DST: variants seen among roughly 807,000 people sequenced by gnomAD.
DST encodes the protein bullous pemphigoid antigen.
In DST, 253 loss-of-function variants were observed where a neutral mutation model predicts 875.2. The observed-to-expected ratio is 0.29, with a 90% confidence interval of 0.26 to 0.32. The LOEUF is 0.32. Ranked by LOEUF, DST falls within the 10% of genes least tolerant of loss-of-function variation. The pLI, the probability that DST is intolerant of heterozygous loss-of-function variation, is 1.00. For missense variants in DST, 8,287 were observed against 9,111.6 expected, an observed-to-expected ratio of 0.91 and a Z score of 3.68; for synonymous variants, 3,124 against 3,197.1, an observed-to-expected ratio of 0.98 and a Z score of 0.77.
At chr6:56,475,199 T>C (rs75535434) in intron 92 of DST, among the ~76,000 whole-genome samples, 6,080 of 152,072 alleles carry the variant, frequency 0.04, 382 homozygotes, top group African/African-American at 0.13. Flanking sequence ...ATTTGGAATA[T>C]GCAGCAAAGG....
chr6:56,665,748 G>A (rs576899955), intron 10 of DST, among the ~76,000 whole-genome samples: 1 of 152,244 alleles, frequency 6.6e-6, no homozygotes, highest in East Asian at 1.9e-4. Flanking sequence ...TGCTCACTAC[G>A]TGGGTGACAG....
intron 3 of DST, among the ~76,000 whole-genome samples, chr6:56,859,636 T>C (rs1014620190): frequency 2.0e-5 from 3 of 152,178 alleles, no homozygotes; most frequent in Non-Finnish European, 2.9e-5. Flanking sequence ...ATACTTAATC[T>C]TATATTTTAA....
At chr6:56,923,285 T>C (rs569134015) in intron 2 of DST, among the ~76,000 whole-genome samples, 1 of 151,954 alleles carries the variant, frequency 6.6e-6, no homozygotes, top group Admixed American at 6.5e-5. Flanking sequence ...AAAATAAGAA[T>C]AGAAGGAAAC....
chr6:56,722,805 A>G (rs907308914), intron 5 of DST, among the ~76,000 whole-genome samples: 1 of 152,244 alleles, frequency 6.6e-6, no homozygotes, highest in Non-Finnish European at 1.5e-5. Context: ...GTACAAAGGC[A>G]GGGAGGTGAA....
At position 56,608,000 on chromosome 6, in the gene DST, A is replaced by G. The variant is rs1235331688; in HGVS notation, c.6628T>C (p.Tyr2210His). 4 of 1,613,394 alleles carry G rather than the reference A, an allele frequency of 2.5e-6. No homozygotes were observed. The highest frequency in any genetic ancestry group is 1.7e-6 in the Non-Finnish European group (2 of 1,179,624). Residue 2210 changes from tyrosine (Y) to histidine (H), a missense_variant, in exon 40 of 104, where the codon TAT becomes CAT. Physicochemically the swap from Tyr to His is moderately conservative, Grantham distance 83. Coordinates refer to ENST00000680361, the MANE Select transcript of DST (RefSeq NM_001374736.1). Reference protein sequence around the residue: ...LFLSYLMINSYMDANTGQRLL... With the variant: ...LFLSYLMINSHMDANTGQRLL... ...CTTTGCCCTGTGTTTGCATCCATAT[A>G]GCTATTTATCATTAAATAAGATAGA...
At chr6:56,929,780 C>T (rs73463736) in intron 2 of DST, among the ~76,000 whole-genome samples, 2,810 of 152,176 alleles carry the variant, frequency 0.018, 88 homozygotes, top group African/African-American at 0.064. Context: ...TTAATAAACC[C>T]AATTTACCTT....
At chr6:56,562,574 T>A (rs903186393) in intron 55 of DST, among the ~76,000 whole-genome samples, 15 of 151,606 alleles carry the variant, frequency 9.9e-5, no homozygotes, top group African/African-American at 1.9e-4. Context: ...AGTTTTTTTT[T>A]AATTTGTATT....
chr6:56,541,348 A>T (rs1025956773), intron 61 of DST: 4 of 152,628 alleles, frequency 2.6e-5, no homozygotes, highest in Non-Finnish European at 5.9e-5. Flanking sequence ...AAGAACTAAC[A>T]TCCAGTGTTC....
At chr6:56,811,981 A>T (rs920613063) in intron 4 of DST, among the ~76,000 whole-genome samples, 1 of 151,834 alleles carries the variant, frequency 6.6e-6, no homozygotes, top group Admixed American at 6.6e-5. Flanking sequence ...GCACACCTGT[A>T]GTCCCAGCTA....
chr6:56,485,981 A>AT (rs1446053833), intron 87 of DST, among the ~76,000 whole-genome samples: 1 of 151,934 alleles, frequency 6.6e-6, no homozygotes, highest in South Asian at 2.1e-4. Context: ...TCAGGACTTT[A>AT]TTTTTTTGTC....
At chr6:56,484,086 G>A (rs2095488961) in intron 88 of DST, 3 of 152,068 alleles carry the variant, frequency 2.0e-5, no homozygotes, top group Admixed American at 2.0e-4. Flanking sequence ...ATTCATTCTT[G>A]ATGACCTTTA....
chr6:56,770,950 G>A (rs903031092), intron 4 of DST, among the ~76,000 whole-genome samples: 28 of 147,168 alleles, frequency 1.9e-4, no homozygotes, highest in African/African-American at 7.1e-4. Context: ...CGTGAGCCAA[G>A]ATCACACCAT....
At chr6:56,843,007 T>C in intron 4 of DST, 2 of 1,359,772 alleles carry the variant, frequency 1.5e-6, no homozygotes, top group South Asian at 2.2e-5. Context: ...AGCGGTTGCC[T>C]CTCTGATCAG....
chr6:56,566,725 T>A (rs566019865), intron 55 of DST, among the ~76,000 whole-genome samples: 1 of 152,210 alleles, frequency 6.6e-6, no homozygotes, highest in Non-Finnish European at 1.5e-5. Flanking sequence ...GTGCTCAGTA[T>A]ATAAGTGTGT....
chr6:56,667,971 G>A (rs1400676819), intron 10 of DST, among the ~76,000 whole-genome samples: 1 of 151,740 alleles, frequency 6.6e-6, no homozygotes, highest in Non-Finnish European at 1.5e-5. Flanking sequence ...TTGCTATATT[G>A]TCTAGGTTGG....
intron 55 of DST, among the ~76,000 whole-genome samples, chr6:56,567,871 A>T (rs1214635220): frequency 1.3e-5 from 2 of 152,202 alleles, no homozygotes; most frequent in African/African-American, 4.8e-5. Context: ...AACTTGCTTA[A>T]ATTAATTTTA....
intron 64 of DST, among the ~76,000 whole-genome samples, chr6:56,530,841 T>C (rs73455740): frequency 8.8e-4 from 134 of 152,314 alleles, no homozygotes; most frequent in African/African-American, 3.1e-3. Flanking sequence ...GAGCAAGCTA[T>C]TGTTCTGGTC....
At chr6:56,654,763 T>C (rs940990721) in intron 10 of DST, among the ~76,000 whole-genome samples, 5 of 152,000 alleles carry the variant, frequency 3.3e-5, no homozygotes, top group African/African-American at 1.2e-4. Context: ...CATAGATACC[T>C]CCAAGGTAAC....
intron 37 of DST, among the ~76,000 whole-genome samples, chr6:56,612,534 C>A (rs1251326822): frequency 6.6e-6 from 1 of 152,192 alleles, no homozygotes; most frequent in Non-Finnish European, 1.5e-5. Flanking sequence ...TGTATCATTT[C>A]CAAATCCCTT....
Sources: allele counts gnomAD v4.1 joint callset (sites outside exome capture counted in the v4.1 genomes callset), GRCh38; gene constraint gnomAD v4.1.1; transcripts MANE v1.5; gene names NCBI Gene and HGNC (gene_info 2026-07-23, HGNC 2026-07-21).